CCDC171: variants seen among roughly 807,000 people sequenced by gnomAD.
CCDC171 encodes coiled-coil domain-containing protein 171.
CCDC171 carries 177 observed loss-of-function variants against 168.2 expected under a neutral mutation model. The ratio of observed to expected loss-of-function variants is 1.05; its 90% confidence interval spans 0.93 to 1.19. The LOEUF (loss-of-function observed/expected upper bound fraction) is 1.19, where lower values mean the gene tolerates loss of function less well. Ranked by LOEUF, CCDC171 falls within the 50% of genes most tolerant of loss-of-function variation. CCDC171 has a pLI of 0.00. For missense variants in CCDC171, 1,991 were observed against 1,539.0 expected, an observed-to-expected ratio of 1.29 and a Z score of -4.91; for synonymous variants, 687 against 540.8, an observed-to-expected ratio of 1.27 and a Z score of -3.75.
At chr9:15,554,593 G>GTCTCATTTGATTCTAAAAC (rs1389856361) in intron 1 of CCDC171, among the ~76,000 whole-genome samples, 3 of 152,156 alleles carry the variant, frequency 2.0e-5, no homozygotes, top group African/African-American at 7.2e-5. Context: ...AGTCTCTAAA[G>GTCTCATTTGATTCTAAAAC]TCTCATTTGA....
At chr9:15,558,477 C>T (rs1298016750) in intron 1 of CCDC171, among the ~76,000 whole-genome samples, 1 of 152,020 alleles carries the variant, frequency 6.6e-6, no homozygotes. Context: ...TGTATGTGTC[C>T]AGGAATTTAT....
Position 15,704,613 on chromosome 9 carries a change from C to T in CCDC171, c.1318+9276C>T, listed in dbSNP as rs111697290. ...AAATGAAATGAATGAAAACTATTTT[C>T]TTGAATTAATCTTAACTTAGAGCTG... On this transcript the variant is annotated intron_variant, in intron 11 of 25. Coordinates refer to ENST00000380701, the MANE Select transcript of CCDC171 (RefSeq NM_173550.4). Among the ~76,000 whole-genome samples the T allele has an allele frequency of 3.3e-5, 5 of 152,220 alleles. 1 individual carries two copies. The highest frequency in any genetic ancestry group is 1.2e-4 in the African/African-American group (5 of 41,552).
intron 21 of CCDC171, among the ~76,000 whole-genome samples, chr9:15,791,477 A>C (rs1366178882): frequency 3.9e-5 from 6 of 152,192 alleles, no homozygotes; most frequent in Non-Finnish European, 8.8e-5. Context: ...GTTGCTTATC[A>C]GCTTAAAGAG....
chr9:16,031,000 G>A (rs1398096883), intron 6 of CCDC171, among the ~76,000 whole-genome samples: 1 of 152,164 alleles, frequency 6.6e-6, no homozygotes, highest in African/African-American at 2.4e-5. Context: ...CAAAGAAGAA[G>A]AGCCAAGTCG....
chr9:16,041,674 A>T (rs77984311), upstream of CCDC171, among the ~76,000 whole-genome samples: 2,257 of 152,312 alleles, frequency 0.015, 63 homozygotes, highest in South Asian at 0.11. Context: ...ATGTTTGGAT[A>T]TTGAAAATAA....
chr9:15,997,820 C>T (rs1178582792), intron 3 of CCDC171, among the ~76,000 whole-genome samples: 1 of 152,130 alleles, frequency 6.6e-6, no homozygotes, highest in Non-Finnish European at 1.5e-5. Flanking sequence ...AAGGAGGTAC[C>T]AGGGTGTGCC....
intron 4 of CCDC171, among the ~76,000 whole-genome samples, chr9:15,584,804 G>C (rs1239007395): frequency 1.3e-5 from 2 of 152,088 alleles, no homozygotes; most frequent in Admixed American, 1.3e-4. Context: ...TTTAATAATA[G>C]TTACACGACT....
At chr9:16,018,886 C>A (rs1250975140) in intron 3 of CCDC171, among the ~76,000 whole-genome samples, 1 of 152,200 alleles carries the variant, frequency 6.6e-6, no homozygotes, top group Non-Finnish European at 1.5e-5. Context: ...GTCAGGCCCA[C>A]CAACATCCTT....
At chr9:15,678,522 T>G (rs964614630) in intron 9 of CCDC171, among the ~76,000 whole-genome samples, 2 of 152,244 alleles carry the variant, frequency 1.3e-5, no homozygotes, top group African/African-American at 4.8e-5. Context: ...AAATCTATTT[T>G]GCTTATAGCC....
intron 3 of CCDC171, among the ~76,000 whole-genome samples, chr9:15,993,700 C>G (rs974472796): frequency 1.7e-4 from 26 of 152,218 alleles, no homozygotes; most frequent in Non-Finnish European, 3.2e-4. Context: ...ACTCATCTGA[C>G]AAAGGGCTAA....
chr9:15,655,654 T>C (rs957055047), intron 7 of CCDC171, among the ~76,000 whole-genome samples: 6 of 152,220 alleles, frequency 3.9e-5, no homozygotes, highest in Non-Finnish European at 1.5e-5. Context: ...TTGCAAATCA[T>C]GTATCTAACA....
intron 6 of CCDC171, among the ~76,000 whole-genome samples, chr9:16,024,650 C>T (rs1833239642): frequency 1.3e-5 from 2 of 152,170 alleles, no homozygotes; most frequent in Non-Finnish European, 2.9e-5. Flanking sequence ...GCCAGCAACC[C>T]AAGCAATTCC....
intron 24 of CCDC171, among the ~76,000 whole-genome samples, chr9:15,902,381 G>A (rs914764337): frequency 2.0e-5 from 3 of 151,858 alleles, no homozygotes; most frequent in Admixed American, 6.6e-5. Flanking sequence ...AATATAAAAG[G>A]TTTTTGTTAA....
At chr9:15,871,191 T>G (rs917064894) in intron 23 of CCDC171, among the ~76,000 whole-genome samples, 10 of 151,704 alleles carry the variant, frequency 6.6e-5, no homozygotes, top group Non-Finnish European at 1.0e-4. Flanking sequence ...CGTTATAGAA[T>G]GTATAACATT....
chr9:15,907,260 C>T (rs532391553), intron 24 of CCDC171, among the ~76,000 whole-genome samples: 1 of 152,250 alleles, frequency 6.6e-6, no homozygotes, highest in East Asian at 1.9e-4. Context: ...TCAAACTATA[C>T]TACAAGGCTA....
chr9:15,571,667 G>C lies in CCDC171; in HGVS notation c.85G>C (p.Glu29Gln). The C allele has an allele frequency of 6.4e-7, 1 of 1,568,630 alleles. No homozygotes were observed. Among genetic ancestry groups the C allele is most frequent in the South Asian group, 1.2e-5 (1 of 82,206 alleles). The change falls in exon 3 of 26, where the codon GAA becomes CAA. Residue 29 changes from glutamate (E) to glutamine (Q), a missense_variant. Coordinates refer to ENST00000380701, the MANE Select transcript of CCDC171 (RefSeq NM_173550.4). ...GGATGTAAAACAAATACTTAAAAAT[G>C]AAACAGAGTTGGATATTACTGATAA... ...SLDVKQILKN[E>Q]TELDITDNLR...
intron 11 of CCDC171, among the ~76,000 whole-genome samples, chr9:15,696,507 G>C (rs1473894482): frequency 6.6e-6 from 1 of 152,154 alleles, no homozygotes; most frequent in East Asian, 1.9e-4. Flanking sequence ...GTAGGTGCAG[G>C]TATCCAGTTT....
intron 6 of CCDC171, among the ~76,000 whole-genome samples, chr9:15,610,444 TAAAAAAAAAAAAAAAA>T (rs754593075): frequency 0.032 from 413 of 12,720 alleles, 6 homozygotes; most frequent in African/African-American, 0.089. Context: ...CCATCTCAAC[TAAAAAAAAAAAAAAAA>T]AAAAAAAAAA....
At chr9:15,593,672 A>C (rs889560883) in intron 5 of CCDC171, among the ~76,000 whole-genome samples, 2 of 152,078 alleles carry the variant, frequency 1.3e-5, no homozygotes, top group African/African-American at 2.4e-5. Flanking sequence ...TATATCTATC[A>C]TATGATATCA....
Sources: allele counts gnomAD v4.1 joint callset (sites outside exome capture counted in the v4.1 genomes callset), GRCh38; gene constraint gnomAD v4.1.1; transcripts MANE v1.5; gene names NCBI Gene and HGNC (gene_info 2026-07-23, HGNC 2026-07-21).